The following FRMD3 variants were observed in gnomAD, a reference collection of about 807,000 sequenced individuals.
FRMD3 encodes FERM domain-containing protein 3.
FRMD3 carries 33 observed loss-of-function variants against 70.2 expected under a neutral mutation model. The ratio of observed to expected loss-of-function variants is 0.47; its 90% CI spans 0.36 to 0.63. The LOEUF (loss-of-function observed/expected upper bound fraction) is 0.63. Among genes scored for constraint, FRMD3 ranks in the 20% least tolerant of loss-of-function variants. The pLI, the probability that FRMD3 is intolerant of heterozygous loss-of-function variation, is 0.00. For missense variants in FRMD3, 632 were observed against 711.4 expected (o/e 0.89, Z 1.27); for synonymous variants, 279 against 255.9 (o/e 1.09, Z -0.86).
At chr9:83,362,242 T>A (rs960838635) in intron 3 of FRMD3, among the ~76,000 whole-genome samples, 1 of 151,690 alleles carries the variant, frequency 6.6e-6, no homozygotes, top group Non-Finnish European at 1.5e-5. Context: ...TGACAAAAAA[T>A]CATTCATTAG....
chr9:83,246,096 C>T lies in FRMD3; in HGVS notation c.*1822G>A. 1.0e-6 allele frequency: 1 copy of T among 985,258 alleles called. No individual in the cohort carries two copies. Among genetic ancestry groups the T allele is most frequent in the South Asian group, 4.7e-5 (1 of 21,270 alleles). 61.0% of individuals were successfully genotyped at this position (985,258 alleles called of 1,614,324 possible). A position where few individuals can be genotyped will look rare whatever the true frequency, so the allele number is the denominator to read the frequency against. ...AAACTCATTTCCAAAATTAAATGTC[C>T]AGTGAAGTACTCAGAGCTCCACTGA... On this transcript the variant is annotated 3_prime_UTR_variant, in exon 14 of 14. Transcript: ENST00000304195.
At chr9:83,369,002 G>A (rs1025233893) in intron 3 of FRMD3, among the ~76,000 whole-genome samples, 2 of 151,912 alleles carry the variant, frequency 1.3e-5, no homozygotes, top group Admixed American at 6.6e-5. Context: ...TTACAGGCAC[G>A]TTCCACCACA....
the FRMD3 span, among the ~76,000 whole-genome samples, chr9:83,584,671 C>T: frequency 6.6e-6 from 1 of 152,196 alleles, no homozygotes; most frequent in Non-Finnish European, 1.5e-5. Flanking sequence ...AATTGTGCCA[C>T]ACCTCTTGTA....
intron 1 of FRMD3, among the ~76,000 whole-genome samples, chr9:83,397,708 T>G (rs1825845560): frequency 6.6e-6 from 1 of 152,164 alleles, no homozygotes; most frequent in Admixed American, 6.5e-5. Flanking sequence ...CTCTGTTGCT[T>G]GGCACCTTAT....
intron 13 of FRMD3, among the ~76,000 whole-genome samples, chr9:83,258,315 G>C (rs1832819688): frequency 6.6e-6 from 1 of 152,234 alleles, no homozygotes; most frequent in Admixed American, 6.5e-5. Context: ...GGAAGGAGCA[G>C]CACTCACATT....
At chr9:83,377,435 A>C (rs75995839) in intron 2 of FRMD3, among the ~76,000 whole-genome samples, 11,438 of 152,162 alleles carry the variant, frequency 0.075, 494 homozygotes, top group East Asian at 0.14. Flanking sequence ...TACAGTTTGG[A>C]TGTGTGTCCC....
intron 6 of FRMD3, among the ~76,000 whole-genome samples, chr9:83,334,006 A>G (rs1392523753): frequency 6.6e-6 from 1 of 152,132 alleles, no homozygotes; most frequent in Non-Finnish European, 1.5e-5. Flanking sequence ...TTATTATCCT[A>G]TGTTCTGAGC....
intron 13 of FRMD3, among the ~76,000 whole-genome samples, chr9:83,279,736 G>A (rs1353956666): frequency 6.7e-6 from 1 of 150,308 alleles, no homozygotes. Flanking sequence ...CTTGTAAGTG[G>A]GAGTTGAACA....
intron 1 of FRMD3, among the ~76,000 whole-genome samples, chr9:83,508,664 C>A (rs544991389): frequency 6.6e-6 from 1 of 152,230 alleles, no homozygotes; most frequent in East Asian, 1.9e-4. Context: ...TCCCTGCCCC[C>A]ACCCCAGGAG....
intron 1 of FRMD3, among the ~76,000 whole-genome samples, chr9:83,406,987 C>T (rs1048486910): frequency 2.6e-5 from 4 of 152,194 alleles, no homozygotes; most frequent in Non-Finnish European, 4.4e-5. Context: ...GCCCTTCTCA[C>T]CACCTATCAA....
intron 3 of FRMD3, among the ~76,000 whole-genome samples, chr9:83,356,271 ATTTTTTTTTT>A (rs869149609): frequency 3.2e-5 from 3 of 94,462 alleles, no homozygotes; most frequent in African/African-American, 9.3e-5. Flanking sequence ...ACTCAGCAGC[ATTTTTTTTTT>A]TTTTTTTTTT....
chr9:83,534,983 CTA>C (rs1349305360), intron 1 of FRMD3, among the ~76,000 whole-genome samples: 8 of 152,184 alleles, frequency 5.3e-5, no homozygotes, highest in African/African-American at 1.9e-4. Context: ...GAAACTTCAG[CTA>C]TTTTAACTAT....
chr9:83,243,193 TG>T, downstream of FRMD3: 1 of 1,550,232 alleles, frequency 6.5e-7, no homozygotes, highest in Non-Finnish European at 8.7e-7. Context: ...CAGGTTCTGC[TG>T]GGTCTGTTTA....
At chr9:83,398,490 C>T (rs902489484) in intron 1 of FRMD3, among the ~76,000 whole-genome samples, 2 of 152,058 alleles carry the variant, frequency 1.3e-5, no homozygotes, top group Admixed American at 1.3e-4. Flanking sequence ...TTTGTGTTAT[C>T]CAAATATTTT....
At chr9:83,389,772 G>A (rs774149249) in intron 1 of FRMD3, 64 bp from the exon 2 acceptor site, 2 of 1,130,182 alleles carry the variant, frequency 1.8e-6, no homozygotes, top group Non-Finnish European at 2.7e-6. Flanking sequence ...TCCTCAGGGA[G>A]CCTTGTTCAC....
chr9:83,381,283 A>T (rs118053535), intron 2 of FRMD3, among the ~76,000 whole-genome samples: 1,657 of 152,326 alleles, frequency 0.011, 12 homozygotes, highest in Non-Finnish European at 0.017. Flanking sequence ...CGCTGGGCAC[A>T]GTGGTTCATG....
chr9:83,254,920 A>G (rs1409441996), intron 13 of FRMD3, among the ~76,000 whole-genome samples: 2 of 152,186 alleles, frequency 1.3e-5, no homozygotes, highest in African/African-American at 4.8e-5. Flanking sequence ...GACAAGACAG[A>G]TTCAGAACTG....
intron 1 of FRMD3, among the ~76,000 whole-genome samples, chr9:83,522,559 AT>A (rs1302120115): frequency 7.5e-5 from 10 of 133,632 alleles, no homozygotes; most frequent in African/African-American, 2.6e-4. Flanking sequence ...TTATATATAT[AT>A]ATATAATTTT....
intron 1 of FRMD3, among the ~76,000 whole-genome samples, chr9:83,398,627 GC>G (rs747634928): frequency 2.0e-5 from 3 of 152,124 alleles, no homozygotes; most frequent in Non-Finnish European, 4.4e-5. Context: ...TGCACGTTGT[GC>G]ACATGTACCC....
Sources: gnomAD v4.1 joint callset for allele counts (sites outside exome capture counted in the v4.1 genomes callset) on GRCh38, gnomAD v4.1.1 for gene constraint, MANE v1.5 for transcripts, NCBI Gene and HGNC (gene_info 2026-07-23, HGNC 2026-07-21) for gene names.